The following AGBL4 variants were observed in gnomAD, a reference collection of about 807,000 sequenced individuals.
AGBL4 encodes the protein AGBL carboxypeptidase 4, also known as cytosolic carboxypeptidase 6.
In AGBL4, 58 loss-of-function variants were observed where a neutral mutation model predicts 66.4. The observed-to-expected ratio is 0.87, with a 90% confidence interval of 0.71 to 1.09. The LOEUF is 1.09. Ranked by LOEUF, AGBL4 falls within the 50% of genes least tolerant of loss-of-function variation. The probability of loss-of-function intolerance (pLI) is 0.00; values close to 1 mark genes in which losing one functional copy is unlikely to be tolerated. For missense variants in AGBL4, 579 were observed against 631.0 expected (o/e 0.92, Z 0.88); for synonymous variants, 234 against 222.9 (o/e 1.05, Z -0.44).
Position 49,501,292 on chromosome 1 carries a change from T to C in AGBL4, c.282+196021A>G, listed in dbSNP as rs184585340. On this transcript the variant is annotated intron_variant, in intron 3 of 13. Coordinates refer to ENST00000371839, the MANE Select transcript of AGBL4 (RefSeq NM_032785.4). Reference sequence around the variant, plus strand: ...CCTTTTGGTTTTCCTGGTATGTTCCTGAAAGAATTATGGTTTTACTCCAAA... The same window carrying C: ...CCTTTTGGTTTTCCTGGTATGTTCCCGAAAGAATTATGGTTTTACTCCAAA... Among the ~76,000 whole-genome samples the C allele has an allele frequency of 3.5e-4, 53 of 152,218 alleles. 1 individual carries two copies. Among genetic ancestry groups the C allele is most frequent in the African/African-American group, 1.3e-3 (52 of 41,574 alleles).
At chr1:49,438,474 G>A (rs1354202737) in intron 3 of AGBL4, among the ~76,000 whole-genome samples, 1 of 152,104 alleles carries the variant, frequency 6.6e-6, no homozygotes, top group Non-Finnish European at 1.5e-5. Flanking sequence ...AGAAAAAGCT[G>A]GTTACAAGGT....
chr1:49,447,852 C>G (rs1335226040), intron 3 of AGBL4, among the ~76,000 whole-genome samples: 1 of 152,216 alleles, frequency 6.6e-6, no homozygotes, highest in African/African-American at 2.4e-5. Context: ...GGCATTATTT[C>G]CTAGACATTC....
chr1:50,015,877 A>T (rs1016592924), intron 1 of AGBL4, among the ~76,000 whole-genome samples: 2 of 152,172 alleles, frequency 1.3e-5, no homozygotes, highest in African/African-American at 4.8e-5. Context: ...AACAAAGTAG[A>T]CAAAAACAAG....
At chr1:48,537,650 G>T (rs564100497) in intron 12 of AGBL4, among the ~76,000 whole-genome samples, 161 of 152,264 alleles carry the variant, frequency 1.1e-3, no homozygotes, top group Non-Finnish European at 1.8e-3. Context: ...AGGTCTCCCT[G>T]AGTGTCAGCA....
intron 5 of AGBL4, among the ~76,000 whole-genome samples, chr1:49,017,898 A>G (rs1662938543): frequency 6.6e-6 from 1 of 152,094 alleles, no homozygotes; most frequent in South Asian, 2.1e-4. Context: ...AAAACTAATG[A>G]CTTAGGAACT....
At chr1:48,945,637 C>T (rs568438901) in intron 5 of AGBL4, among the ~76,000 whole-genome samples, 2 of 152,260 alleles carry the variant, frequency 1.3e-5, no homozygotes, top group Non-Finnish European at 2.9e-5. Flanking sequence ...CTGGTAAATA[C>T]TCAGTTAGAA....
At chr1:49,391,379 C>T (rs2148592296) in intron 3 of AGBL4, among the ~76,000 whole-genome samples, 1 of 152,232 alleles carries the variant, frequency 6.6e-6, no homozygotes, top group Middle Eastern at 3.4e-3. Flanking sequence ...AGGGATCAGA[C>T]TTGAGCTAGA....
intron 3 of AGBL4, among the ~76,000 whole-genome samples, chr1:49,372,606 TTTTTC>T (rs879911908): frequency 3.0e-3 from 420 of 140,246 alleles, no homozygotes; most frequent in Non-Finnish European, 4.6e-3. Context: ...TTTCTTTTTC[TTTTTC>T]TTTCTTTCTT....
At chr1:49,765,513 C>G (rs1172720497) in intron 2 of AGBL4, among the ~76,000 whole-genome samples, 1 of 151,896 alleles carries the variant, frequency 6.6e-6, no homozygotes, top group African/African-American at 2.4e-5. Flanking sequence ...GTTAAGGAAC[C>G]ACCATAAGAA....
rs117855083 is a variant in AGBL4, at chr1:48,892,586, A to C, written c.595-25356T>G. Among the ~76,000 whole-genome samples the C allele has an allele frequency of 1.5e-3, 224 of 152,290 alleles. 6 individuals carry two copies. The East Asian group carries it at 0.036, about 25-fold the overall frequency. ...GGACAACTCGAAGTAAAAGCGGGGC[A>C]ACACTTGAAGCGGGGAGGGGGCTTC... On this transcript the variant is annotated intron_variant, in intron 5 of 13. Coordinates refer to ENST00000371839, the MANE Select transcript of AGBL4 (RefSeq NM_032785.4).
chr1:49,834,586 C>T (rs1006514453), intron 2 of AGBL4, among the ~76,000 whole-genome samples: 1 of 152,246 alleles, frequency 6.6e-6, no homozygotes, highest in African/African-American at 2.4e-5. Context: ...CAGTTCTGCT[C>T]TGATCTTAGT....
intron 1 of AGBL4, among the ~76,000 whole-genome samples, chr1:49,991,417 T>C (rs1659931735): frequency 6.6e-6 from 1 of 152,194 alleles, no homozygotes; most frequent in Admixed American, 6.5e-5. Context: ...ACAAATATAT[T>C]GCAATCTTTA....
intron 6 of AGBL4, among the ~76,000 whole-genome samples, chr1:48,681,378 TGC>T (rs1329507910): frequency 6.6e-6 from 1 of 152,188 alleles, no homozygotes; most frequent in African/African-American, 2.4e-5. Context: ...CCCCCAAAGA[TGC>T]CTTAAATTTC....
At chr1:49,272,893 A>C (rs1256508200) in intron 3 of AGBL4, among the ~76,000 whole-genome samples, 1 of 152,208 alleles carries the variant, frequency 6.6e-6, no homozygotes, top group Non-Finnish European at 1.5e-5. Flanking sequence ...GATAATTTTA[A>C]AAATTGTTAG....
At chr1:49,503,754 C>T (rs753336237) in intron 3 of AGBL4, among the ~76,000 whole-genome samples, 8 of 152,236 alleles carry the variant, frequency 5.3e-5, no homozygotes. Context: ...GCCAATTTCT[C>T]TCATTTGGAG....
intron 6 of AGBL4, among the ~76,000 whole-genome samples, chr1:48,794,810 G>C (rs936640608): frequency 6.6e-6 from 1 of 152,070 alleles, no homozygotes; most frequent in African/African-American, 2.4e-5. Context: ...AACACACCTA[G>C]TGCAGACTTC....
At chr1:48,829,879 AT>A (rs897743858) in intron 6 of AGBL4, among the ~76,000 whole-genome samples, 71 of 152,046 alleles carry the variant, frequency 4.7e-4, no homozygotes, top group South Asian at 4.6e-3. Flanking sequence ...ATCAAAATAC[AT>A]TTTTTTTCAT....
At chr1:49,728,948 T>A (rs1353148391) in intron 2 of AGBL4, among the ~76,000 whole-genome samples, 1 of 152,178 alleles carries the variant, frequency 6.6e-6, no homozygotes, top group Non-Finnish European at 1.5e-5. Context: ...AAATGTCAAA[T>A]GCTTCGCCTA....
intron 1 of AGBL4, among the ~76,000 whole-genome samples, chr1:49,914,418 T>G (rs1309162010): frequency 6.6e-6 from 1 of 152,204 alleles, no homozygotes; most frequent in Non-Finnish European, 1.5e-5. Context: ...TTCCAATACC[T>G]TTTCCTTACT....
Sources: gnomAD v4.1 joint callset for allele counts (sites outside exome capture counted in the v4.1 genomes callset) on GRCh38, gnomAD v4.1.1 for gene constraint, MANE v1.5 for transcripts, NCBI Gene and HGNC (gene_info 2026-07-23, HGNC 2026-07-21) for gene names.